CEBPZ: variants seen among roughly 807,000 people sequenced by gnomAD.
The protein encoded by CEBPZ is CCAAT/enhancer-binding protein zeta.
Under a neutral mutation model 104.5 loss-of-function variants are expected in CEBPZ, and 78 were observed. The observed-to-expected ratio is 0.75, with a 90% confidence interval of 0.62 to 0.90. CEBPZ has a LOEUF of 0.90. Ranked by LOEUF, CEBPZ falls within the 40% of genes least tolerant of loss-of-function variation. The probability of loss-of-function intolerance (pLI) is 0.00; values close to 1 mark genes in which losing one functional copy is unlikely to be tolerated. For missense variants in CEBPZ, 1,439 were observed against 1,233.5 expected (o/e 1.17, Z -2.50); for synonymous variants, 470 against 427.0 (o/e 1.10, Z -1.24).
intron 10 of CEBPZ, 32 bp from the exon 11 acceptor site, chr2:37,212,424 C>T: frequency 6.5e-7 from 1 of 1,538,610 alleles, no homozygotes; most frequent in African/African-American, 1.4e-5. Flanking sequence ...TGAGATACAA[C>T]AAAGAATGAC....
chr2:37,229,272 T>C (rs1388269254), intron 1 of CEBPZ, among the ~76,000 whole-genome samples: 2 of 152,028 alleles, frequency 1.3e-5, no homozygotes, highest in Admixed American at 6.6e-5. Context: ...GAAAAAAATA[T>C]AAATTATAAA....
intron 13 of CEBPZ, among the ~76,000 whole-genome samples, chr2:37,207,128 C>T (rs1677565142): frequency 2.0e-5 from 3 of 152,158 alleles, no homozygotes; most frequent in Non-Finnish European, 2.9e-5. Flanking sequence ...TATGCACCTA[C>T]CACCAGAGCT....
At position 37,228,733 on chromosome 2, in the gene CEBPZ, T is replaced by A; in HGVS notation, c.460A>T (p.Ser154Cys). The change falls in exon 2 of 16, where the codon AGT (serine) becomes TGT (cysteine). Residue 154 changes from serine to cysteine, a missense_variant. Coordinates refer to ENST00000234170, the MANE Select transcript of CEBPZ (RefSeq NM_005760.3). The part of the protein sequence containing the change: ...RPEPHSDENG[S>C]TTPKVKKDKQ... ...TCTTTCTTTACTTTCGGTGTGGTACTGCCATTCTCATCAGAATGTGGTTCT... is the reference window on the plus strand; with the variant it reads ...TCTTTCTTTACTTTCGGTGTGGTACAGCCATTCTCATCAGAATGTGGTTCT... The A allele has an allele frequency of 6.2e-7, 1 of 1,614,212 alleles. No homozygotes were observed. The highest frequency in any genetic ancestry group is 8.5e-7 in the Non-Finnish European group (1 of 1,180,014).
chr2:37,212,187 A>G, intron 11 of CEBPZ, 148 bp from the exon 12 acceptor site: 1 of 972,462 alleles, frequency 1.0e-6, no homozygotes, highest in Non-Finnish European at 1.5e-6. Context: ...TGCTTTATAA[A>G]TGTCAAAGAT....
In CEBPZ at chr2:37,222,529, T is replaced by C. The variant is rs3180252; in HGVS notation, c.1916A>G (p.Asn639Ser). ...SDDEENFIDA[N>S]DDEDMEKFTD... ...GAATTTTTCCATGTCTTCATCATCA[T>C]TTGCATCAATAAAATTTTCTTCATC... is the stretch of plus-strand genomic sequence containing the variant. Residue 639 changes from asparagine to serine, a missense_variant, in exon 4 of 16, where the codon AAT (asparagine) becomes AGT (serine). By Grantham distance (46) the Asn-to-Ser change is conservative. Coordinates refer to ENST00000234170, the MANE Select transcript of CEBPZ (RefSeq NM_005760.3). 1 of 1,591,414 alleles carries C rather than the reference T, an allele frequency of 6.3e-7. No individual in the cohort carries two copies. The highest frequency in any genetic ancestry group is 1.4e-5 in the African/African-American group (1 of 73,210).
Position 37,228,903 on chromosome 2 carries a change from G to C in CEBPZ, c.290C>G (p.Thr97Arg), listed in dbSNP as rs1423373516. The C allele has an allele frequency of 6.2e-7, 1 of 1,610,526 alleles. No homozygotes were observed. Among genetic ancestry groups the C allele is most frequent in the Admixed American group, 1.7e-5 (1 of 59,530 alleles). ...ATCTTCTTCAACTAAGGAAGCTTTT[G>C]TATACTTCGCCAAATTAAGATTTTG... ...FIQNLNLAKYTKASLVEEDEP... is the reference protein window; with the variant it reads ...FIQNLNLAKYRKASLVEEDEP... Residue 97 changes from threonine (T) to arginine (R), a missense_variant, in exon 2 of 16, where the codon ACA (threonine) becomes AGA (arginine). Coordinates refer to ENST00000234170, the MANE Select transcript of CEBPZ (RefSeq NM_005760.3).
At chr2:37,217,477 G>C (rs1313517112) in intron 5 of CEBPZ, among the ~76,000 whole-genome samples, 5 of 151,996 alleles carry the variant, frequency 3.3e-5, no homozygotes, top group Non-Finnish European at 7.4e-5. Context: ...AAAACATATT[G>C]GTCTCAGGAC....
Position 37,202,875 on chromosome 2 carries a change from A to G in CEBPZ, c.2944-10T>C. 3.8e-6 allele frequency: 6 copies of G among 1,597,252 alleles called. No individual in the cohort carries two copies. The highest frequency in any genetic ancestry group is 5.1e-6 in the Non-Finnish European group (6 of 1,171,744). ...CCAATAGATGGCCAAACTTTTAAACAAAAACGATAAATTTATTAGAAAACT... is the reference window on the plus strand; with the variant it reads ...CCAATAGATGGCCAAACTTTTAAACGAAAACGATAAATTTATTAGAAAACT... On this transcript the variant is annotated splice_polypyrimidine_tract_variant and intron_variant, in intron 14 of 15. Coordinates refer to ENST00000234170, the MANE Select transcript of CEBPZ (RefSeq NM_005760.3).
chr2:37,214,199 TTA>T (rs1333532274), intron 9 of CEBPZ, among the ~76,000 whole-genome samples: 1 of 152,198 alleles, frequency 6.6e-6, no homozygotes, highest in Non-Finnish European at 1.5e-5. Flanking sequence ...AGCCCTATTC[TTA>T]TATTAGAATA....
At chr2:37,231,218 C>T in intron 1 of CEBPZ, 194 bp downstream of exon 1, 1 of 753,334 alleles carries the variant, frequency 1.3e-6, no homozygotes, top group Non-Finnish European at 2.4e-6. Context: ...ATACAACGTT[C>T]AATTCGAAAC....
At chr2:37,222,727 G>A (rs1664801708) in intron 3 of CEBPZ, among the ~76,000 whole-genome samples, 164 bp from the exon 4 acceptor site, 1 of 152,168 alleles carries the variant, frequency 6.6e-6, no homozygotes, top group South Asian at 2.1e-4. Flanking sequence ...AAACAAGAGA[G>A]GAGATTACAT....
chr2:37,218,829 G>A (rs528178990), intron 5 of CEBPZ, among the ~76,000 whole-genome samples: 67 of 152,264 alleles, frequency 4.4e-4, no homozygotes, highest in African/African-American at 1.5e-3. Context: ...CCGAGATCGC[G>A]CCACTGCATT....
At position 37,222,479 on chromosome 2, in the gene CEBPZ, T is replaced by C. The variant is rs1410434841; in HGVS notation, c.1966A>G (p.Ile656Val). The stretch of plus-strand genomic sequence containing the variant: ...TCCTCTGTCTCAAGTTTTTTCACTA[T>C]CTCTGTTTCTTTGTCTGCATCAGTG... ...KFTDADKETE[I>V]VKKLETEETV... Residue 656 changes from isoleucine (I) to valine (V), a missense_variant, in exon 4 of 16, where the codon ATA becomes GTA. By Grantham distance (29) the Ile-to-Val change is conservative. Transcript: ENST00000234170. The C allele has an allele frequency of 6.8e-6, 11 of 1,611,608 alleles. No individual in the cohort carries two copies. The highest frequency in any genetic ancestry group is 9.3e-6 in the Non-Finnish European group (11 of 1,179,282).
At chr2:37,218,194 GAGGCGGAGCTTGC>G (rs1664682750) in intron 5 of CEBPZ, among the ~76,000 whole-genome samples, 1 of 151,928 alleles carries the variant, frequency 6.6e-6, no homozygotes, top group Admixed American at 6.6e-5. Context: ...GTGAACCCGG[GAGGCGGAGCTTGC>G]AGTGAGCTGA....
At position 37,216,303 on chromosome 2, in the gene CEBPZ, A is replaced by T. The variant is rs1677865598; in HGVS notation, c.2311+13T>A. On this transcript the variant is annotated intron_variant, in intron 7 of 15. Transcript: ENST00000234170. ...AAAATGAAAGCCAAATAATTCACTAAATAGAAGCATACCTTTGCCTTTATG... is the reference window on the plus strand; with the variant it reads ...AAAATGAAAGCCAAATAATTCACTATATAGAAGCATACCTTTGCCTTTATG... The T allele has an allele frequency of 1.2e-6, 2 of 1,610,616 alleles. No homozygotes were observed.
intron 1 of CEBPZ, among the ~76,000 whole-genome samples, chr2:37,230,562 C>T (rs1665039948): frequency 6.6e-6 from 1 of 152,198 alleles, no homozygotes; most frequent in African/African-American, 2.4e-5. Context: ...AAAGTCCAGT[C>T]TCCAAACAAA....
At chr2:37,218,197 G>A (rs879722049) in intron 5 of CEBPZ, among the ~76,000 whole-genome samples, 1 of 151,862 alleles carries the variant, frequency 6.6e-6, no homozygotes. Context: ...AACCCGGGAG[G>A]CGGAGCTTGC....
chr2:37,220,503 C>G, intron 4 of CEBPZ, 30 bp from the exon 5 acceptor site: 2 of 1,188,278 alleles, frequency 1.7e-6, no homozygotes, highest in Admixed American at 2.1e-5. Flanking sequence ...TACGATTTCT[C>G]AAATGCTTTC....
At position 37,211,945 on chromosome 2, in the gene CEBPZ, C is replaced by G; in HGVS notation, c.2698G>C (p.Glu900Gln). 6.2e-7 allele frequency: 1 copy of G among 1,613,826 alleles called. No individual in the cohort carries two copies. The highest frequency in any genetic ancestry group is 8.5e-7 in the Non-Finnish European group (1 of 1,179,856). Residue 900 changes from glutamate to glutamine, a missense_variant, in exon 12 of 16, where the codon GAA becomes CAA. Coordinates refer to ENST00000234170, the MANE Select transcript of CEBPZ (RefSeq NM_005760.3). ...TCATCCATACTTCCTAAAGAAACTTCATCGTCATCCAGGTTACCAAGTTCA... is the reference window on the plus strand; with the variant it reads ...TCATCCATACTTCCTAAAGAAACTTGATCGTCATCCAGGTTACCAAGTTCA... ...DDELGNLDDD[E>Q]VSLGSMDDEE...
Sources: allele counts gnomAD v4.1 joint callset (sites outside exome capture counted in the v4.1 genomes callset), GRCh38; gene constraint gnomAD v4.1.1; transcripts MANE v1.5; gene names NCBI Gene and HGNC (gene_info 2026-07-23, HGNC 2026-07-21).